STARD9: variants seen among roughly 807,000 people sequenced by gnomAD.
The protein encoded by STARD9 is stAR-related lipid transfer protein 9.
Under a neutral mutation model 399.8 loss-of-function variants are expected in STARD9, and 346 were observed. The observed-to-expected ratio is 0.87, with a 90% CI of 0.79 to 0.95. The LOEUF is 0.95. Among genes scored for constraint, STARD9 ranks in the 40% least tolerant of loss-of-function variants. The probability of loss-of-function intolerance (pLI) is 0.00; values close to 1 mark genes in which losing one functional copy is unlikely to be tolerated. For synonymous variants in STARD9, 2,203 were observed against 2,143.5 expected (o/e 1.03, Z -0.77); for missense variants, 5,832 against 5,667.5 (o/e 1.03, Z -0.93).
chr15:42,663,881 T>C lies in STARD9; in HGVS notation c.1140T>C (p.Ser380=). 1 of 1,537,062 alleles carries C rather than the reference T, an allele frequency of 6.5e-7. No individual in the cohort carries two copies. The highest frequency in any genetic ancestry group is 8.7e-7 in the Non-Finnish European group (1 of 1,146,718). ...ETMSTLRYAS[S]AKNIINKPRV... is the part of the protein sequence containing the mutation. ...TGAGCACACTGAGATATGCATCCAGTGCCAAAAACATTATCAACAAGCCAC... is the reference window on the plus strand; with the variant it reads ...TGAGCACACTGAGATATGCATCCAGCGCCAAAAACATTATCAACAAGCCAC... The change falls in exon 13 of 33, where the codon AGT becomes AGC. Residue 380 remains serine, a synonymous_variant. Transcript: ENST00000290607.
chr15:42,630,996 AT>A (rs970002507), intron 3 of STARD9, among the ~76,000 whole-genome samples: 19 of 135,778 alleles, frequency 1.4e-4, no homozygotes, highest in African/African-American at 5.2e-4. Context: ...TTTTTTTTTA[AT>A]TAAAAAAATA....
Position 42,686,576 on chromosome 15 carries a change from C to A in STARD9, c.4998C>A (p.Asp1666Glu). ...HSNVTTATKA[D>E]HWSQGWAPLR... ...ATGTCACTACAGCCACCAAAGCAGA[C>A]CATTGGTCCCAAGGCTGGGCTCCTC... The change falls in exon 23 of 33, where the codon GAC (aspartate) becomes GAA (glutamate). Residue 1666 changes from aspartate (D) to glutamate (E), a missense_variant. Asp to Glu is a conservative substitution (Grantham distance 45). Transcript: ENST00000290607. 6.5e-7 allele frequency: 1 copy of A among 1,537,462 alleles called. No homozygotes were observed. The highest frequency in any genetic ancestry group is 8.7e-7 in the Non-Finnish European group (1 of 1,146,990).
intron 1 of STARD9, chr15:42,581,289 A>G (rs1167479661): frequency 6.4e-6 from 7 of 1,094,700 alleles, no homozygotes; most frequent in East Asian, 2.4e-5. Flanking sequence ...GGTCTGAGCC[A>G]TGGAAGAACT....
chr15:42,608,608 T>C (rs900914379), intron 3 of STARD9, among the ~76,000 whole-genome samples: 1 of 152,242 alleles, frequency 6.6e-6, no homozygotes, highest in Non-Finnish European at 1.5e-5. Flanking sequence ...TCCTCCAGGC[T>C]TGTTTTCTTA....
intron 3 of STARD9, among the ~76,000 whole-genome samples, chr15:42,620,696 G>A (rs2059073915): frequency 6.6e-6 from 1 of 151,754 alleles, no homozygotes; most frequent in African/African-American, 2.4e-5. Flanking sequence ...CACTTACGAA[G>A]ATTACAGGCC....
intron 7 of STARD9, among the ~76,000 whole-genome samples, chr15:42,641,893 C>A (rs367896952): frequency 6.6e-6 from 1 of 152,088 alleles, no homozygotes; most frequent in East Asian, 1.9e-4. Context: ...CATGAGCCAC[C>A]GCGCCCGGCT....
At chr15:42,655,247 A>C (rs760241500) in intron 9 of STARD9, among the ~76,000 whole-genome samples, 1 of 152,188 alleles carries the variant, frequency 6.6e-6, no homozygotes, top group Admixed American at 6.5e-5. Flanking sequence ...ACACCGCTGC[A>C]CTCCAGCCTG....
chr15:42,695,379 C>T, intron 25 of STARD9, 56 bp downstream of exon 25: 1 of 1,437,628 alleles, frequency 7.0e-7, no homozygotes, highest in Non-Finnish European at 9.3e-7. Context: ...CAGACTGGTA[C>T]ACCTTCACCG....
intron 26 of STARD9, among the ~76,000 whole-genome samples, chr15:42,716,144 G>C (rs184215065): frequency 1.3e-5 from 2 of 152,276 alleles, no homozygotes; most frequent in Non-Finnish European, 2.9e-5. Flanking sequence ...CGGTGGAGGT[G>C]TGGTGACCAC....
chr15:42,581,216 T>A (rs2058161416), intron 1 of STARD9: 4 of 784,002 alleles, frequency 5.1e-6, no homozygotes, highest in Non-Finnish European at 9.5e-6. Flanking sequence ...CTTCTACTTG[T>A]GGAGTCTTCA....
intron 22 of STARD9, among the ~76,000 whole-genome samples, chr15:42,683,199 C>T (rs189260934): frequency 4.6e-5 from 7 of 152,324 alleles, no homozygotes; most frequent in South Asian, 2.1e-4. Flanking sequence ...GTCCATAGGA[C>T]GTTCACAATT....
intron 3 of STARD9, among the ~76,000 whole-genome samples, chr15:42,617,387 AGT>A (rs1347977770): frequency 1.3e-5 from 2 of 152,024 alleles, no homozygotes; most frequent in Non-Finnish European, 2.9e-5. Context: ...TTGGAGACAG[AGT>A]TTTGCTCTTC....
At chr15:42,617,456 A>G (rs753708596) in intron 3 of STARD9, among the ~76,000 whole-genome samples, 9 of 151,732 alleles carry the variant, frequency 5.9e-5, no homozygotes, top group Non-Finnish European at 1.0e-4. Context: ...TACTCCTCCC[A>G]GGTTCAAGGG....
chr15:42,579,988 T>C (rs1437577334), intron 1 of STARD9, among the ~76,000 whole-genome samples: 2 of 152,140 alleles, frequency 1.3e-5, no homozygotes, highest in African/African-American at 4.8e-5. Context: ...CACTTCACTT[T>C]CTTGAAGTAC....
intron 7 of STARD9, among the ~76,000 whole-genome samples, chr15:42,645,889 G>A (rs901639456): frequency 6.6e-6 from 1 of 151,990 alleles, no homozygotes; most frequent in African/African-American, 2.4e-5. Flanking sequence ...TAAAGTCATG[G>A]TGGCTCATGC....
chr15:42,664,523 T>C (rs753550360), intron 13 of STARD9, among the ~76,000 whole-genome samples: 2 of 152,042 alleles, frequency 1.3e-5, no homozygotes, highest in African/African-American at 4.8e-5. Context: ...GCCACCATGT[T>C]AGGCTGGTTT....
At chr15:42,660,214 G>T (rs2059967227) in intron 9 of STARD9, among the ~76,000 whole-genome samples, 1 of 152,178 alleles carries the variant, frequency 6.6e-6, no homozygotes, top group Non-Finnish European at 1.5e-5. Flanking sequence ...AAAGACTTGA[G>T]GGATTTGGGG....
chr15:42,694,813 A>C lies in STARD9; in HGVS notation c.12962+88A>C, dbSNP rs188756955. On this transcript the variant is annotated intron_variant, in intron 24 of 32. Coordinates refer to ENST00000290607, the MANE Select transcript of STARD9 (RefSeq NM_020759.3). ...AGGAGCTGAAGTTTTAGCATCCTGG[A>C]GGGTTCTCTATAGGAGACAGGGTAA... 7.5e-5 allele frequency: 65 copies of C among 869,760 alleles called. No homozygotes were observed. The East Asian group carries it at 2.8e-3, about 38-fold the overall frequency. The allele number at this position is 869,760 out of a possible 1,614,324, so 53.9% of individuals were successfully genotyped here.
chr15:42,599,361 T>C (rs964988199), intron 3 of STARD9, among the ~76,000 whole-genome samples: 1 of 152,248 alleles, frequency 6.6e-6, no homozygotes, highest in Non-Finnish European at 1.5e-5. Context: ...TGAGGGCTCG[T>C]TCTTTCTCAG....
Sources: gnomAD v4.1 joint callset for allele counts (sites outside exome capture counted in the v4.1 genomes callset) on GRCh38, gnomAD v4.1.1 for gene constraint, MANE v1.5 for transcripts, NCBI Gene and HGNC (gene_info 2026-07-23, HGNC 2026-07-21) for gene names.